Variants in CEP290 observed in about 807,000 individuals in gnomAD.
CEP290 encodes centrosomal protein of 290 kDa.
In CEP290, 317 loss-of-function variants were observed where a neutral mutation model predicts 344.9. The observed-to-expected ratio is 0.92, with a 90% CI of 0.84 to 1.01. The LOEUF is 1.01. Among genes scored for constraint, CEP290 ranks in the 50% least tolerant of loss-of-function variants. The pLI is 0.00. For synonymous variants in CEP290, 932 were observed against 895.8 expected, an observed-to-expected ratio of 1.04 and a Z score of -0.72; for missense variants, 2,754 against 2,761.4, an observed-to-expected ratio of 1.00 and a Z score of 0.06.
At position 88,118,738 on chromosome 12, in the gene CEP290, C is replaced by T; in HGVS notation, c.1528G>A (p.Glu510Lys). 1 of 1,606,950 alleles carries T rather than the reference C, an allele frequency of 6.2e-7. No homozygotes were observed. Residue 510 changes from glutamate (E) to lysine (K), a missense_variant, in exon 16 of 54, where the codon GAA becomes AAA. Transcript: ENST00000552810. ...GTTAAATCAATCATTGTCTTTGGTT[C>T]AAGGCCTACAATAGAAAGCAATATA... ...NEALRERVGLEPKTMIDLTEF... is the reference protein window; with the variant it reads ...NEALRERVGLKPKTMIDLTEF...
At position 88,054,421 on chromosome 12, in the gene CEP290, G is replaced by A; in HGVS notation, c.6961-8C>T. 1 of 1,602,058 alleles carries A rather than the reference G, an allele frequency of 6.2e-7. No homozygotes were observed. Among genetic ancestry groups the A allele is most frequent in the Non-Finnish European group, 8.5e-7 (1 of 1,171,168 alleles). On this transcript the variant is annotated splice_region_variant and splice_polypyrimidine_tract_variant and intron_variant, in intron 50 of 53. Transcript: ENST00000552810. The stretch of plus-strand genomic sequence containing the variant: ...ATGTTTAAGAATCTTAATCTTTGAG[G>A]ACAATGAAAAGTTAGAAGATAAGGT...
chr12:88,062,845 C>A, intron 45 of CEP290, 67 bp from the exon 46 acceptor site: 3 of 987,734 alleles, frequency 3.0e-6, no homozygotes, highest in Non-Finnish European at 4.6e-6. Flanking sequence ...AAAAGGCAAA[C>A]AATTCATAAG....
chr12:88,066,942 A>T (rs935226422), intron 44 of CEP290, among the ~76,000 whole-genome samples: 1 of 152,206 alleles, frequency 6.6e-6, no homozygotes, highest in Non-Finnish European at 1.5e-5. Context: ...AACACAATAT[A>T]GACAGCAACA....
intron 52 of CEP290, among the ~76,000 whole-genome samples, chr12:88,052,108 A>C (rs1192403855): frequency 6.6e-6 from 1 of 152,254 alleles, no homozygotes; most frequent in African/African-American, 2.4e-5. Flanking sequence ...GGCAATTAGC[A>C]TAGTGTCTAG....
intron 6 of CEP290, 36 bp from the exon 7 acceptor site, chr12:88,131,254 G>T: frequency 7.1e-7 from 1 of 1,402,088 alleles, no homozygotes; most frequent in Non-Finnish European, 9.4e-7. Context: ...ATAAGAAGAA[G>T]ATAAAATTCA....
At chr12:88,103,070 G>C (rs2038019332) in intron 25 of CEP290, 59 bp from the exon 26 acceptor site, 3 of 1,062,278 alleles carry the variant, frequency 2.8e-6, no homozygotes, top group South Asian at 2.2e-5. Context: ...TCAAGCACTA[G>C]CCACTTTTGA....
intron 11 of CEP290, among the ~76,000 whole-genome samples, chr12:88,127,633 T>C (rs1307293080): frequency 3.9e-5 from 6 of 152,064 alleles, no homozygotes; most frequent in Non-Finnish European, 8.8e-5. Flanking sequence ...AAAGAAATAT[T>C]TCACAGCAAA....
Position 88,141,308 on chromosome 12 carries a change from C to T in CEP290, c.-1G>A, listed in dbSNP as rs562952013. On this transcript the variant is annotated 5_prime_UTR_variant, in exon 2 of 54. Coordinates refer to ENST00000552810, the MANE Select transcript of CEP290 (RefSeq NM_025114.4). ...CTTTCCAGTTTATATTAGGTGGCAT[C>T]TTGAATTCTTTCACTGTGCTCCACC... is the stretch of plus-strand genomic sequence containing the variant. The T allele has an allele frequency of 5.0e-6, 8 of 1,604,904 alleles. No homozygotes were observed. The East Asian group carries it at 1.6e-4, about 31-fold the overall frequency.
At chr12:88,131,271 A>T in intron 6 of CEP290, 53 bp from the exon 7 acceptor site, 1 of 893,214 alleles carries the variant, frequency 1.1e-6, no homozygotes, top group Non-Finnish European at 1.5e-6. Context: ...TTCAGCAGTA[A>T]TTTTTTTTTT....
chr12:88,102,869 A>G lies in CEP290; in HGVS notation c.2960T>C (p.Val987Ala). 1 of 1,610,578 alleles carries G rather than the reference A, an allele frequency of 6.2e-7. No individual in the cohort carries two copies. The highest frequency in any genetic ancestry group is 8.5e-7 in the Non-Finnish European group (1 of 1,178,450). ...GTGTTCCAAGTTACTTGTTCTTTGA[A>G]CAAGCATATTATCTTTTTGCAAGAT... The part of the protein sequence containing the change: ...RDILQKDNML[V>A]QRTSNLEHLE... Residue 987 changes from valine (V) to alanine (A), a missense_variant, in exon 26 of 54, where the codon GTT (valine) becomes GCT (alanine). By Grantham distance (64) the Val-to-Ala change is moderately conservative (BLOSUM62 0). Coordinates refer to ENST00000552810, the MANE Select transcript of CEP290 (RefSeq NM_025114.4).
intron 28 of CEP290, 26 bp from the exon 29 acceptor site, chr12:88,092,858 C>T: frequency 6.2e-7 from 1 of 1,602,818 alleles, no homozygotes; most frequent in Non-Finnish European, 8.5e-7. Context: ...AAAAAATGTT[C>T]AGATACATCA....
chr12:88,097,937 G>T (rs1225540895), intron 26 of CEP290, among the ~76,000 whole-genome samples: 1 of 152,004 alleles, frequency 6.6e-6, no homozygotes, highest in East Asian at 1.9e-4. Flanking sequence ...TGTGTGTGTG[G>T]GTGGGTGGCA....
chr12:88,094,541 C>A (rs1453928532), intron 27 of CEP290, among the ~76,000 whole-genome samples: 1 of 151,898 alleles, frequency 6.6e-6, no homozygotes, highest in East Asian at 1.9e-4. Context: ...AGTAGTTATG[C>A]CTTAACCTTA....
At chr12:88,067,977 T>C (rs1210931950) in intron 44 of CEP290, among the ~76,000 whole-genome samples, 1 of 152,194 alleles carries the variant, frequency 6.6e-6, no homozygotes, top group Non-Finnish European at 1.5e-5. Flanking sequence ...GTGAAAAATA[T>C]CATGCCCTTG....
In CEP290 at chr12:88,121,097, G is replaced by GT. The variant is rs868650061; in HGVS notation, c.1258dup (p.Thr420AsnfsTer2). 4 of 1,613,078 alleles carry GT rather than the reference G, an allele frequency of 2.5e-6. No individual in the cohort carries two copies. The African/African-American group carries it at 5.3e-5, about 22-fold the overall frequency. On this transcript the variant is annotated frameshift_variant, in exon 14 of 54. Coordinates refer to ENST00000552810, the MANE Select transcript of CEP290 (RefSeq NM_025114.4). LOFTEE classifies it high-confidence loss of function. ...TTCAGCTGTTCTCTCAGCCTCTTTA[G>GT]TTTTCTCTTTTAAAATGTCTAACGT...
chr12:88,134,122 T>C (rs1340782407), intron 6 of CEP290, among the ~76,000 whole-genome samples: 1 of 152,178 alleles, frequency 6.6e-6, no homozygotes, highest in African/African-American at 2.4e-5. Flanking sequence ...TTTTTGAATA[T>C]GCCCAGAAGA....
rs1592551125 is a variant in CEP290, at chr12:88,096,942, T to C, written c.3049A>G (p.Thr1017Ala). The C allele has an allele frequency of 6.3e-7, 1 of 1,582,654 alleles. No homozygotes were observed. Among genetic ancestry groups the C allele is most frequent in the Non-Finnish European group, 8.6e-7 (1 of 1,162,090 alleles). Residue 1017 changes from threonine (T) to alanine (A), a missense_variant, in exon 27 of 54, where the codon ACC (threonine) becomes GCC (alanine). By Grantham distance (58) the Thr-to-Ala change is moderately conservative (BLOSUM62 0). Coordinates refer to ENST00000552810, the MANE Select transcript of CEP290 (RefSeq NM_025114.4). ...VESINKELEITKEKLHTIEQA... is the reference protein window; with the variant it reads ...VESINKELEIAKEKLHTIEQA... ...TCAATAGTGTGAAGTTTTTCCTTGGTAATCTCCAGTTCTTTATTTATAGAC... is the reference window on the plus strand; with the variant it reads ...TCAATAGTGTGAAGTTTTTCCTTGGCAATCTCCAGTTCTTTATTTATAGAC...
At chr12:88,119,838 A>C (rs916678972) in intron 15 of CEP290, among the ~76,000 whole-genome samples, 6 of 152,180 alleles carry the variant, frequency 3.9e-5, no homozygotes, top group African/African-American at 1.2e-4. Flanking sequence ...TGTGGTATTA[A>C]TAAACTTTCA....
intron 35 of CEP290, among the ~76,000 whole-genome samples, 167 bp from the exon 36 acceptor site, chr12:88,084,121 G>C (rs937879287): frequency 6.6e-6 from 1 of 152,060 alleles, no homozygotes; most frequent in Non-Finnish European, 1.5e-5. Context: ...TGTCCCCTCA[G>C]ACAATGTTCA....
Sources: allele counts gnomAD v4.1 joint callset (sites outside exome capture counted in the v4.1 genomes callset), GRCh38; gene constraint gnomAD v4.1.1; transcripts MANE v1.5; gene names NCBI Gene and HGNC (gene_info 2026-07-23, HGNC 2026-07-21).